Variants in TEX2 observed in about 807,000 individuals in gnomAD.
TEX2 encodes testis-expressed protein 2.
In TEX2, 53 loss-of-function variants were observed where a neutral mutation model predicts 106.9. The ratio of observed to expected loss-of-function variants is 0.50; its 90% CI spans 0.40 to 0.62. TEX2 has a LOEUF of 0.62. TEX2 is among the 20% of genes least tolerant of loss of function. The probability of loss-of-function intolerance (pLI) is 0.00; values close to 1 mark genes in which losing one functional copy is unlikely to be tolerated. For missense variants in TEX2, 1,207 were observed against 1,379.0 expected, an observed-to-expected ratio of 0.88 and a Z score of 1.98; for synonymous variants, 523 against 534.8, an observed-to-expected ratio of 0.98 and a Z score of 0.30.
At position 64,213,344 on chromosome 17, in the gene TEX2, G is replaced by A. The variant is rs782352856; in HGVS notation, c.874C>T (p.Arg292Ter). 5 of 1,613,984 alleles carry A rather than the reference G, an allele frequency of 3.1e-6. No individual in the cohort carries two copies. The highest frequency in any genetic ancestry group is 2.2e-5 in the South Asian group (2 of 91,086). The change falls in exon 2 of 12, where the codon CGA becomes TGA. Residue 292 changes from arginine (R) to a stop codon, truncating the protein, a stop_gained. Transcript: ENST00000584379. LOFTEE classifies it high-confidence loss of function. This position sits in a 1 kb window ranked among gnomAD's most constrained non-coding sequence, Gnocchi z 4.4. ...TCATAGATGACTTCTGAAAGGCGTCGTTTAGTATCTTCAATTTTAGCCTCC... is the reference window on the plus strand; with the variant it reads ...TCATAGATGACTTCTGAAAGGCGTCATTTAGTATCTTCAATTTTAGCCTCC... Reference protein sequence around the residue: ...EMEAKIEDTKRRLSEVIYEPF... With the variant: ...EMEAKIEDTK
chr17:64,239,904 A>G lies in TEX2; in HGVS notation c.-26+23264T>C, dbSNP rs79726141. Among the ~76,000 whole-genome samples, 1,186 of 118,790 alleles carry G rather than the reference A, an allele frequency of 1.0e-2. 46 individuals carry two copies. The highest frequency in any genetic ancestry group is 0.026 in the African/African-American group (798 of 31,190). The allele number at this position is 118,790 out of a possible 152,430, so 77.9% of individuals were successfully genotyped here. On this transcript the variant is annotated intron_variant, in intron 1 of 11. Transcript: ENST00000584379. ...AAAAAAAAAAAAAAAAAAAAAAAAA[A>G]GCAGAGAAGATAAGAGAAGAGAAAT... is the stretch of plus-strand genomic sequence containing the variant.
At chr17:64,191,786 C>G (rs1437027311) in intron 4 of TEX2, among the ~76,000 whole-genome samples, 1 of 140,526 alleles carries the variant, frequency 7.1e-6, no homozygotes, top group Non-Finnish European at 1.5e-5. Flanking sequence ...TCACTGCACT[C>G]CAGCCTGGGC....
intron 7 of TEX2, among the ~76,000 whole-genome samples, chr17:64,165,542 C>T (rs541606149): frequency 1.8e-4 from 28 of 152,390 alleles, no homozygotes; most frequent in African/African-American, 6.7e-4. Context: ...TGCCTTGGTG[C>T]TCAGGCCCAG....
At chr17:64,177,874 C>T (rs899600484) in intron 5 of TEX2, among the ~76,000 whole-genome samples, 1 of 152,176 alleles carries the variant, frequency 6.6e-6, no homozygotes, top group Non-Finnish European at 1.5e-5. Context: ...GGTGCTCATC[C>T]GGGCAGACGC....
chr17:64,256,410 C>T (rs2034185190), intron 1 of TEX2, among the ~76,000 whole-genome samples: 1 of 152,188 alleles, frequency 6.6e-6, no homozygotes. Context: ...CTACACTATG[C>T]TGCCTTGTGA....
intron 7 of TEX2, among the ~76,000 whole-genome samples, chr17:64,165,126 C>A (rs1439384489): frequency 1.3e-5 from 2 of 152,186 alleles, no homozygotes; most frequent in African/African-American, 2.4e-5. Context: ...AACAAAACTT[C>A]TTAAAATGGA....
At chr17:64,262,671 C>T (rs1160579069) in intron 1 of TEX2, among the ~76,000 whole-genome samples, 3 of 152,214 alleles carry the variant, frequency 2.0e-5, no homozygotes, top group African/African-American at 4.8e-5. Context: ...ACAAACCACC[C>T]CACCGCCACC....
Position 64,213,698 on chromosome 17 carries a change from AGAG to A in TEX2, c.517_519del (p.Leu173del). 1 of 1,614,146 alleles carries A rather than the reference AGAG, an allele frequency of 6.2e-7. No homozygotes were observed. The highest frequency in any genetic ancestry group is 8.5e-7 in the Non-Finnish European group (1 of 1,180,028). On this transcript the variant is annotated inframe_deletion, in exon 2 of 12. Transcript: ENST00000584379. The surrounding 1 kb of genome is among the most constrained non-coding windows in gnomAD (Gnocchi z 4.4). ...AGGGTGGAGGTTGAGGCACTGGATG[AGAG>A]GATGGGAGACTTAGAAGGAGAGGAC... is the stretch of plus-strand genomic sequence containing the variant.
intron 1 of TEX2, among the ~76,000 whole-genome samples, chr17:64,259,477 G>C (rs1398970218): frequency 1.3e-5 from 2 of 152,202 alleles, no homozygotes; most frequent in Non-Finnish European, 2.9e-5. Context: ...GGGATTTAAA[G>C]TTGACAAAGA....
chr17:64,214,959 T>C (rs1483837748), intron 1 of TEX2, among the ~76,000 whole-genome samples: 2 of 152,214 alleles, frequency 1.3e-5, no homozygotes, highest in African/African-American at 4.8e-5. Flanking sequence ...TTAAACTGAA[T>C]GCAAGATTCA....
At chr17:64,183,888 C>T (rs966789005) in intron 5 of TEX2, among the ~76,000 whole-genome samples, 17 of 152,164 alleles carry the variant, frequency 1.1e-4, no homozygotes, top group South Asian at 2.1e-4. Context: ...GCCTCAGTCT[C>T]CCAAAGTGTT....
At position 64,212,788 on chromosome 17, in the gene TEX2, C is replaced by A. The variant is rs2033046045; in HGVS notation, c.1430G>T (p.Gly477Val). ...QHPELPVKTL[G>V]FFIMCVYVYL... Reference sequence around the variant, plus strand: ...CACATAGACACACATTATAAAGAAGCCCAACGTCTTCACTGGCAATTCCGG... The same window carrying A: ...CACATAGACACACATTATAAAGAAGACCAACGTCTTCACTGGCAATTCCGG... Residue 477 changes from glycine (G) to valine (V), a missense_variant, in exon 2 of 12, where the codon GGC (glycine) becomes GTC (valine). This residue lies in a region of TEX2 where 1,067 missense variants were observed against 1,193.6 expected (regional missense o/e 0.89). Coordinates refer to ENST00000584379, the MANE Select transcript of TEX2 (RefSeq NM_001288732.2). 6.2e-7 allele frequency: 1 copy of A among 1,614,002 alleles called. No homozygotes were observed. Among genetic ancestry groups the A allele is most frequent in the African/African-American group, 1.3e-5 (1 of 74,908 alleles).
chr17:64,181,486 A>T (rs1301581479), intron 5 of TEX2, among the ~76,000 whole-genome samples: 2 of 150,402 alleles, frequency 1.3e-5, no homozygotes, highest in African/African-American at 5.0e-5. Context: ...AAAAAAAAAA[A>T]AAAAAAAAAA....
At chr17:64,169,658 A>G (rs1468053844) in intron 7 of TEX2, among the ~76,000 whole-genome samples, 1 of 152,262 alleles carries the variant, frequency 6.6e-6, no homozygotes, top group East Asian at 1.9e-4. Context: ...ATAGTGCTAG[A>G]AAAATCTCTT....
rs759025018 is a variant in TEX2, at chr17:64,152,935, C to G, written c.3140+10G>C. On this transcript the variant is annotated intron_variant, in intron 10 of 11. Transcript: ENST00000584379. ...GAATCACTTATTGTCCCTGAGGGCC[C>G]TCTACGCACCATACTCGGTCAGTCG... is the stretch of plus-strand genomic sequence containing the variant. The G allele has an allele frequency of 6.2e-7, 1 of 1,613,110 alleles. No homozygotes were observed. Among genetic ancestry groups the G allele is most frequent in the South Asian group, 1.1e-5 (1 of 90,848 alleles).
chr17:64,234,126 C>A (rs1339406880), intron 1 of TEX2, among the ~76,000 whole-genome samples: 1 of 152,100 alleles, frequency 6.6e-6, no homozygotes, highest in Admixed American at 6.5e-5. Context: ...CATAAAGGAA[C>A]AAGAAAAAAG....
chr17:64,200,867 G>C (rs2032638033), intron 2 of TEX2, among the ~76,000 whole-genome samples: 2 of 152,096 alleles, frequency 1.3e-5, no homozygotes, highest in African/African-American at 4.8e-5. Flanking sequence ...CATCTTTTCA[G>C]AATCACCAGC....
At chr17:64,182,902 T>G (rs1439006300) in intron 5 of TEX2, among the ~76,000 whole-genome samples, 1 of 149,536 alleles carries the variant, frequency 6.7e-6, no homozygotes. Context: ...TTTGCCACTT[T>G]TGTTGTGTTT....
At position 64,154,732 on chromosome 17, in the gene TEX2, C is replaced by T. The variant is rs2030529677; in HGVS notation, c.2930+110G>A. On this transcript the variant is annotated intron_variant, in intron 9 of 11. Transcript: ENST00000584379. Reference sequence around the variant, plus strand: ...ATTAATAAAAAAACCATCTACTCAACATTAAAGAGGAAGGAAGATCACAGA... The same window carrying T: ...ATTAATAAAAAAACCATCTACTCAATATTAAAGAGGAAGGAAGATCACAGA... 3 of 1,319,000 alleles carry T rather than the reference C, an allele frequency of 2.3e-6. No individual in the cohort carries two copies. The African/African-American group carries it at 4.5e-5, about 20-fold the overall frequency. 81.7% of individuals were successfully genotyped at this position (1,319,000 alleles called of 1,614,324 possible).
Sources: gnomAD v4.1 joint callset for allele counts (sites outside exome capture counted in the v4.1 genomes callset) on GRCh38, gnomAD v4.1.1 for gene constraint, gnomAD v4.1.1 regional missense constraint, Gnocchi (gnomAD v3.1) non-coding constraint, MANE v1.5 for transcripts, NCBI Gene and HGNC (gene_info 2026-07-23, HGNC 2026-07-21) for gene names.